Variants in TAPT1 observed in about 807,000 individuals in gnomAD.
The protein encoded by TAPT1 is transmembrane anterior posterior transformation protein 1 homolog.
A neutral mutation model predicts 65.6 loss-of-function variants in TAPT1; 28 were observed. The observed-to-expected ratio is 0.43, with a 90% CI of 0.32 to 0.59. The LOEUF is 0.59. TAPT1 is among the 20% of genes least tolerant of loss of function. TAPT1 has a pLI of 0.09. For synonymous variants in TAPT1, 278 were observed against 245.2 expected, an observed-to-expected ratio of 1.13 and a Z score of -1.25; for missense variants, 563 against 679.9, an observed-to-expected ratio of 0.83 and a Z score of 1.91.
At chr4:16,191,621 A>T (rs1431468237) in intron 3 of TAPT1, 98 bp from the exon 4 acceptor site, 14 of 1,235,976 alleles carry the variant, frequency 1.1e-5, no homozygotes, top group Non-Finnish European at 1.5e-5. Context: ...TACAAAGGTA[A>T]AAATAAGAAT....
At chr4:16,190,837 C>T (rs892231012) in intron 4 of TAPT1, 1 of 154,892 alleles carries the variant, frequency 6.5e-6, no homozygotes. Flanking sequence ...ACATTACTTA[C>T]AAAAATTGGG....
rs1284457227 is a variant in TAPT1 at position 16,166,775 on chromosome 4, T to A, written c.1332A>T (p.Val444=). 6.2e-7 allele frequency: 1 copy of A among 1,613,762 alleles called. No individual in the cohort carries two copies. The highest frequency in any genetic ancestry group is 8.5e-7 in the Non-Finnish European group (1 of 1,179,872). The change falls in exon 13 of 14, where the codon GTA becomes GTT. Residue 444 remains valine, a synonymous_variant. Transcript: ENST00000405303. ...LFYFGLISLK[V]LNSIVLLGKS... is the part of the protein sequence containing the mutation. ...TCCCCAACAGCACGATGCTATTAAG[T>A]ACTTTCAGGGATATCAACCTAAAAA...
chr4:16,175,242 T>C (rs1277588292), intron 9 of TAPT1, among the ~76,000 whole-genome samples: 1 of 152,144 alleles, frequency 6.6e-6, no homozygotes, highest in Non-Finnish European at 1.5e-5. Flanking sequence ...CTATTAATTT[T>C]GACTTCAGAT....
rs28619251 is a variant in TAPT1, at chr4:16,170,401, A to T, written c.1313+252T>A. Reference sequence around the variant, plus strand: ...TCAAAAAAATGTGAGTGAAACCTAAATCTTAAGCAAAAAGGGCTTTAAGAT... The same window carrying T: ...TCAAAAAAATGTGAGTGAAACCTAATTCTTAAGCAAAAAGGGCTTTAAGAT... On this transcript the variant is annotated intron_variant, in intron 12 of 13. Coordinates refer to ENST00000405303, the MANE Select transcript of TAPT1 (RefSeq NM_153365.3). Among the ~76,000 whole-genome samples the T allele has an allele frequency of 0.19, 28,675 of 152,274 alleles. 4,309 individuals carry two copies. Among genetic ancestry groups the T allele is most frequent in the African/African-American group, 0.42 (17,287 of 41,514 alleles).
intron 1 of TAPT1, among the ~76,000 whole-genome samples, chr4:16,218,186 C>T (rs1436871905): frequency 1.3e-5 from 2 of 152,166 alleles, no homozygotes; most frequent in Non-Finnish European, 2.9e-5. Context: ...GGAGGATCAC[C>T]TGAGGTCAGG....
intron 7 of TAPT1, among the ~76,000 whole-genome samples, chr4:16,185,200 G>GTC (rs1748935736): frequency 1.3e-5 from 2 of 151,366 alleles, no homozygotes; most frequent in Non-Finnish European, 2.9e-5. Context: ...AGCATTACTT[G>GTC]TTGAGAAACT....
intron 3 of TAPT1, chr4:16,196,637 GAAAAATC>G: frequency 7.9e-7 from 1 of 1,267,956 alleles, no homozygotes; most frequent in South Asian, 1.2e-5. Flanking sequence ...AGTATAGAAG[GAAAAATC>G]AGGGTTTACT....
In TAPT1 at chr4:16,163,319, G is replaced by A; in HGVS notation, c.1693C>T (p.Arg565Ter). The change falls in exon 14 of 14, where the codon CGA (arginine) becomes TGA (stop). Residue 565 changes from arginine (R) to a stop codon, truncating the protein, a stop_gained. Transcript: ENST00000405303. LOFTEE classifies it high-confidence loss of function. ...EIDRFTICGNRID is the reference protein window; with the variant it reads ...EIDRFTICGN ...ATGAAGCCACAGATTCAGTCAATTCGGTTTCCACAAATTGTGAACCTGTCT... is the reference window on the plus strand; with the variant it reads ...ATGAAGCCACAGATTCAGTCAATTCAGTTTCCACAAATTGTGAACCTGTCT... The A allele has an allele frequency of 1.2e-6, 2 of 1,613,540 alleles. No individual in the cohort carries two copies. The highest frequency in any genetic ancestry group is 1.7e-6 in the Non-Finnish European group (2 of 1,179,504).
intron 3 of TAPT1, among the ~76,000 whole-genome samples, chr4:16,194,978 G>A (rs113658799): frequency 0.17 from 26,448 of 151,700 alleles, 2,693 homozygotes; most frequent in East Asian, 0.3. Flanking sequence ...GTGATCCACC[G>A]GCCTCGGCCT....
chr4:16,193,213 T>A (rs1404055518), intron 3 of TAPT1, among the ~76,000 whole-genome samples: 1 of 152,202 alleles, frequency 6.6e-6, no homozygotes, highest in Non-Finnish European at 1.5e-5. Flanking sequence ...TAAAGGTGGC[T>A]GGAAATACAC....
At position 16,186,548 on chromosome 4, in the gene TAPT1, T is replaced by C. The variant is rs1749027704; in HGVS notation, c.903A>G (p.Gln301=). The C allele has an allele frequency of 6.5e-7, 1 of 1,532,318 alleles. No homozygotes were observed. 94.9% of individuals were successfully genotyped at this position (1,532,318 alleles called of 1,614,324 possible). Residue 301 remains glutamine, a synonymous_variant, in exon 7 of 14, where the codon CAA becomes CAG. Coordinates refer to ENST00000405303, the MANE Select transcript of TAPT1 (RefSeq NM_153365.3). ...FKKFEKNNLF[Q]MSNSDIKERF... ...AATTGTACATACCGCTATTTGACAT[T>C]TGAAAGAGATTGTTCTTTTCAAACT...
At chr4:16,164,278 T>C (rs1747435754) in intron 13 of TAPT1, among the ~76,000 whole-genome samples, 1 of 152,166 alleles carries the variant, frequency 6.6e-6, no homozygotes, top group African/African-American at 2.4e-5. Flanking sequence ...AGCTCTCTTG[T>C]AGTAATCCCT....
chr4:16,216,755 A>G (rs78339655), intron 1 of TAPT1, among the ~76,000 whole-genome samples: 481 of 152,258 alleles, frequency 3.2e-3, no homozygotes, highest in Non-Finnish European at 4.7e-3. Context: ...AGGTTATTGC[A>G]AAAGCTTCTT....
chr4:16,188,904 C>T (rs1192600805), intron 4 of TAPT1, among the ~76,000 whole-genome samples: 5 of 149,106 alleles, frequency 3.4e-5, no homozygotes, highest in South Asian at 2.1e-4. Flanking sequence ...TGGGTGACAG[C>T]GCGACTCTGA....
chr4:16,206,533 T>C (rs191711772), intron 2 of TAPT1, among the ~76,000 whole-genome samples: 1 of 151,712 alleles, frequency 6.6e-6, no homozygotes, highest in East Asian at 1.9e-4. Context: ...GAGTGTCACC[T>C]AAGGAACAGA....
intron 4 of TAPT1, 85 bp downstream of exon 4, chr4:16,191,276 T>C (rs1749355656): frequency 1.5e-6 from 2 of 1,373,696 alleles, no homozygotes; most frequent in Non-Finnish European, 9.8e-7. Context: ...CGGTAGAGCA[T>C]TCTTGACTCT....
chr4:16,181,930 A>C (rs1228328425), intron 7 of TAPT1, among the ~76,000 whole-genome samples: 1 of 152,208 alleles, frequency 6.6e-6, no homozygotes, highest in East Asian at 1.9e-4. Flanking sequence ...AAAATGGATA[A>C]ATTTGGTAAA....
intron 3 of TAPT1, among the ~76,000 whole-genome samples, chr4:16,197,512 G>A (rs565562736): frequency 6.6e-6 from 1 of 152,130 alleles, no homozygotes. Flanking sequence ...GGAGAATAGA[G>A]GGCTGACAAA....
At chr4:16,174,069 A>G (rs1748172300) in intron 11 of TAPT1, 135 bp downstream of exon 11, 3 of 737,782 alleles carry the variant, frequency 4.1e-6, no homozygotes, top group Non-Finnish European at 6.4e-6. Flanking sequence ...ATTTAAAACA[A>G]AATTTTCTTC....
Sources: gnomAD v4.1 joint callset for allele counts (sites outside exome capture counted in the v4.1 genomes callset) on GRCh38, gnomAD v4.1.1 for gene constraint, MANE v1.5 for transcripts, NCBI Gene and HGNC (gene_info 2026-07-23, HGNC 2026-07-21) for gene names.